FSTL4: variants seen among roughly 807,000 people sequenced by gnomAD.
The protein encoded by FSTL4 is follistatin-related protein 4.
A neutral mutation model predicts 78.2 loss-of-function variants in FSTL4; 28 were observed. The observed-to-expected ratio is 0.36, with a 90% confidence interval of 0.27 to 0.49. The LOEUF (loss-of-function observed/expected upper bound fraction) is 0.49, where lower values mean the gene tolerates loss of function less well. Among genes scored for constraint, FSTL4 ranks in the 20% least tolerant of loss-of-function variants. FSTL4 has a pLI of 0.98. For synonymous variants in FSTL4, 422 were observed against 440.5 expected (o/e 0.96, Z 0.53); for missense variants, 922 against 1,084.9 (o/e 0.85, Z 2.11).
chr5:133,712,474 C>T, the FSTL4 span, among the ~76,000 whole-genome samples: 1 of 152,120 alleles, frequency 6.6e-6, no homozygotes, highest in Non-Finnish European at 1.5e-5. Context: ...AATCCTGGTC[C>T]CAGCTCTTTC....
At chr5:133,428,272 A>G (rs1420867661) in intron 3 of FSTL4, among the ~76,000 whole-genome samples, 1 of 152,222 alleles carries the variant, frequency 6.6e-6, no homozygotes, top group East Asian at 1.9e-4. Flanking sequence ...GTAATCTGTC[A>G]TACGCATCAT....
chr5:133,553,611 C>G (rs972879325), intron 3 of FSTL4, among the ~76,000 whole-genome samples: 1 of 152,196 alleles, frequency 6.6e-6, no homozygotes, highest in Non-Finnish European at 1.5e-5. Flanking sequence ...CTACATTGGA[C>G]TATTGTGAGT....
chr5:133,275,397 T>A (rs1363280931), intron 6 of FSTL4, among the ~76,000 whole-genome samples: 2 of 151,898 alleles, frequency 1.3e-5, no homozygotes, highest in African/African-American at 4.8e-5. Context: ...CTGTCTGTAT[T>A]AAAAATACAG....
At chr5:133,261,949 G>A (rs1484364249) in intron 6 of FSTL4, among the ~76,000 whole-genome samples, 4 of 151,148 alleles carry the variant, frequency 2.6e-5, no homozygotes, top group South Asian at 2.1e-4. Context: ...CTGAGATTGC[G>A]CCACTGGACT....
chr5:133,605,230 G>T (rs1481069064), intron 1 of FSTL4, among the ~76,000 whole-genome samples: 3 of 152,200 alleles, frequency 2.0e-5, no homozygotes, highest in Non-Finnish European at 4.4e-5. Context: ...AGGGGTTATT[G>T]ATTTCTGCTT....
chr5:133,501,795 G>A (rs1758503875), intron 3 of FSTL4, among the ~76,000 whole-genome samples: 1 of 152,226 alleles, frequency 6.6e-6, no homozygotes, highest in African/African-American at 2.4e-5. Flanking sequence ...TCCAGTGCCT[G>A]TGAATAGGAC....
chr5:133,233,567 G>A (rs776142923), intron 7 of FSTL4, 30 bp from the exon 8 acceptor site: 9 of 1,564,214 alleles, frequency 5.8e-6, no homozygotes, highest in Non-Finnish European at 6.9e-6. Flanking sequence ...CGATGAGACT[G>A]GCCTCTTTAT....
intron 4 of FSTL4, among the ~76,000 whole-genome samples, chr5:133,321,006 C>A (rs867718605): frequency 8.0e-3 from 718 of 89,716 alleles, no homozygotes; most frequent in East Asian, 0.015. Context: ...GACTCCGTCT[C>A]AAAAAAAAAA....
At chr5:133,803,267 C>A in the FSTL4 span, among the ~76,000 whole-genome samples, 11 of 152,282 alleles carry the variant, frequency 7.2e-5, no homozygotes, top group South Asian at 2.3e-3. Context: ...GACACTCCCC[C>A]AGATTGACCC....
chr5:133,511,132 C>G (rs1223694261), intron 3 of FSTL4, among the ~76,000 whole-genome samples: 1 of 152,178 alleles, frequency 6.6e-6, no homozygotes, highest in Non-Finnish European at 1.5e-5. Context: ...GCACCCCAAG[C>G]ACAGCCAGAC....
At chr5:133,604,874 T>A (rs55822336) in intron 1 of FSTL4, among the ~76,000 whole-genome samples, 66,494 of 151,510 alleles carry the variant, frequency 0.44, 15,323 homozygotes, top group African/African-American at 0.59. Context: ...ATCCAATGAT[T>A]CAGAATTTCA....
At chr5:133,547,346 C>T (rs927505436) in intron 3 of FSTL4, among the ~76,000 whole-genome samples, 4 of 150,812 alleles carry the variant, frequency 2.7e-5, no homozygotes, top group Non-Finnish European at 6.0e-5. Flanking sequence ...ATAGGTAAGA[C>T]TTTGGATTTT....
chr5:133,826,310 G>A, the FSTL4 span, among the ~76,000 whole-genome samples: 1 of 152,228 alleles, frequency 6.6e-6, no homozygotes, highest in Non-Finnish European at 1.5e-5. Context: ...CCCAGCCTTT[G>A]ACTTGTGCTG....
At chr5:133,683,492 G>A in the FSTL4 span, among the ~76,000 whole-genome samples, 3 of 152,008 alleles carry the variant, frequency 2.0e-5, no homozygotes, top group African/African-American at 7.2e-5. Flanking sequence ...AATCCTCAGA[G>A]CCACACCATA....
At chr5:133,235,512 A>AAAAAAAAAG (rs1751633015) in intron 7 of FSTL4, among the ~76,000 whole-genome samples, 1 of 151,538 alleles carries the variant, frequency 6.6e-6, no homozygotes, top group Non-Finnish European at 1.5e-5. Context: ...AAAAAAAAAA[A>AAAAAAAAAG]AAAAAAGACA....
intron 12 of FSTL4, 80 bp downstream of exon 12, chr5:133,220,668 A>G (rs1390722669): frequency 2.5e-6 from 2 of 812,286 alleles, no homozygotes; most frequent in Admixed American, 3.6e-5. Flanking sequence ...TAGAAATCAA[A>G]TGGCATGCCT....
chr5:133,812,603 C>T, the FSTL4 span, among the ~76,000 whole-genome samples: 17,927 of 152,246 alleles, frequency 0.12, 1,144 homozygotes, highest in East Asian at 0.2. Flanking sequence ...CTCAGAGAGG[C>T]TTTCCTAGAC....
At chr5:133,645,619 T>G in the FSTL4 span, among the ~76,000 whole-genome samples, 1 of 152,112 alleles carries the variant, frequency 6.6e-6, no homozygotes, top group African/African-American at 2.4e-5. Flanking sequence ...ATGCTGCTTT[T>G]ATGGACAAAG....
At chr5:133,466,541 C>CAA (rs775476593) in intron 3 of FSTL4, among the ~76,000 whole-genome samples, 3 of 113,242 alleles carry the variant, frequency 2.6e-5, no homozygotes, top group East Asian at 2.6e-4. Flanking sequence ...GACTCTGTCT[C>CAA]AAAAAAAAAA....
Sources: allele counts gnomAD v4.1 joint callset (sites outside exome capture counted in the v4.1 genomes callset), GRCh38; gene constraint gnomAD v4.1.1; transcripts MANE v1.5; gene names NCBI Gene and HGNC (gene_info 2026-07-23, HGNC 2026-07-21).